THRB: variants seen among roughly 807,000 people sequenced by gnomAD.
THRB encodes nuclear receptor subfamily 1 group A member 2.
A neutral mutation model predicts 47.8 loss-of-function variants in THRB; 12 were observed. The observed-to-expected ratio is 0.25, with a 90% CI of 0.16 to 0.41. The LOEUF (loss-of-function observed/expected upper bound fraction) is 0.41, where lower values mean the gene tolerates loss of function less well. THRB is among the 10% of genes least tolerant of loss of function. The pLI, the probability that THRB is intolerant of heterozygous loss-of-function variation, is 1.00. For synonymous variants in THRB, 218 were observed against 212.2 expected, an observed-to-expected ratio of 1.03 and a Z score of -0.24; for missense variants, 348 against 589.2, an observed-to-expected ratio of 0.59 and a Z score of 4.24.
At chr3:24,339,327 A>G (rs1027805679) in intron 1 of THRB, among the ~76,000 whole-genome samples, 1 of 152,204 alleles carries the variant, frequency 6.6e-6, no homozygotes, top group African/African-American at 2.4e-5. Flanking sequence ...TATTTTGTCT[A>G]ATTTCACATA....
chr3:24,126,364 G>A (rs1238830740), intron 10 of THRB, among the ~76,000 whole-genome samples: 5 of 151,986 alleles, frequency 3.3e-5, no homozygotes, highest in Admixed American at 6.5e-5. Flanking sequence ...CTGGGCAACA[G>A]AGCAAGACCG....
chr3:24,130,264 T>C (rs2033639523), intron 9 of THRB, among the ~76,000 whole-genome samples: 1 of 152,148 alleles, frequency 6.6e-6, no homozygotes, highest in Non-Finnish European at 1.5e-5. Context: ...GAAACTTGGA[T>C]AGATAAGCTT....
At chr3:24,438,083 AC>A (rs2071152448) in intron 1 of THRB, among the ~76,000 whole-genome samples, 1 of 22,472 alleles carries the variant, frequency 4.4e-5, no homozygotes, top group East Asian at 1.1e-3. Context: ...TGGGGCAGGC[AC>A]AATTTTTTTT....
intron 1 of THRB, among the ~76,000 whole-genome samples, chr3:24,463,296 T>C (rs1238705481): frequency 6.6e-6 from 1 of 152,262 alleles, no homozygotes; most frequent in African/African-American, 2.4e-5. Context: ...AGTCTCATCC[T>C]GTAGCCCAGG....
At chr3:24,233,769 AGT>A (rs1381075568) in intron 3 of THRB, among the ~76,000 whole-genome samples, 1 of 152,168 alleles carries the variant, frequency 6.6e-6, no homozygotes, top group East Asian at 1.9e-4. Context: ...AGGGGTAGAG[AGT>A]GGTCTTCAAA....
At chr3:24,157,262 C>T (rs2038004661) in intron 5 of THRB, among the ~76,000 whole-genome samples, 1 of 151,970 alleles carries the variant, frequency 6.6e-6, no homozygotes, top group Non-Finnish European at 1.5e-5. Flanking sequence ...ACACTTTGCC[C>T]TCTGGCTGGC....
At chr3:24,440,813 T>G (rs1187612369) in intron 1 of THRB, among the ~76,000 whole-genome samples, 1 of 152,170 alleles carries the variant, frequency 6.6e-6, no homozygotes, top group African/African-American at 2.4e-5. Context: ...ACAGGTGATC[T>G]GAGATAAGAG....
chr3:24,259,763 A>G (rs1000038434), intron 3 of THRB, among the ~76,000 whole-genome samples: 8 of 151,904 alleles, frequency 5.3e-5, no homozygotes, highest in Non-Finnish European at 1.0e-4. Flanking sequence ...TTGTTTAAAG[A>G]TAGGTACAAA....
intron 2 of THRB, among the ~76,000 whole-genome samples, chr3:24,319,778 C>A (rs1457410629): frequency 6.6e-6 from 1 of 152,106 alleles, no homozygotes; most frequent in Non-Finnish European, 1.5e-5. Flanking sequence ...GACAAAACAC[C>A]CCATCACTCA....
intron 3 of THRB, among the ~76,000 whole-genome samples, chr3:24,280,110 A>G (rs902541050): frequency 2.6e-5 from 4 of 152,204 alleles, no homozygotes; most frequent in African/African-American, 9.7e-5. Flanking sequence ...GGGAGGAGCC[A>G]AGATGGCCAA....
chr3:24,250,002 A>G (rs1192742106), intron 3 of THRB, among the ~76,000 whole-genome samples: 1 of 152,232 alleles, frequency 6.6e-6, no homozygotes, highest in Non-Finnish European at 1.5e-5. Context: ...CCAACCTAGT[A>G]CCAGAGTATC....
chr3:24,409,048 G>C (rs1046350545), intron 1 of THRB, among the ~76,000 whole-genome samples: 1 of 151,754 alleles, frequency 6.6e-6, no homozygotes, highest in Non-Finnish European at 1.5e-5. Flanking sequence ...ATTACAGTTT[G>C]ACACTTTCTA....
intron 4 of THRB, among the ~76,000 whole-genome samples, chr3:24,212,577 C>CAAAAAAAAAAAAA (rs1199010853): frequency 1.3e-4 from 11 of 84,070 alleles, no homozygotes; most frequent in Non-Finnish European, 2.1e-4. Flanking sequence ...GACTCCGTCT[C>CAAAAAAAAAAAAA]AAAAAAAAAA....
intron 8 of THRB, among the ~76,000 whole-genome samples, chr3:24,137,288 G>T (rs1212899063): frequency 1.3e-5 from 2 of 152,216 alleles, no homozygotes; most frequent in African/African-American, 4.8e-5. Context: ...TTATTGAGCA[G>T]GTACTGTGGG....
At chr3:24,352,414 G>C (rs1049552061) in intron 1 of THRB, among the ~76,000 whole-genome samples, 5 of 152,178 alleles carry the variant, frequency 3.3e-5, no homozygotes, top group African/African-American at 1.2e-4. Flanking sequence ...AGCTAGAGAA[G>C]AGAGGTGAAC....
intron 2 of THRB, among the ~76,000 whole-genome samples, chr3:24,332,388 G>C (rs1052459268): frequency 6.6e-6 from 1 of 152,188 alleles, no homozygotes; most frequent in African/African-American, 2.4e-5. Flanking sequence ...ACCTTTGTCT[G>C]TTTAAGTCAC....
chr3:24,122,001 A>T lies in THRB; in HGVS notation c.*883T>A, dbSNP rs535031353. The T allele has an allele frequency of 7.1e-4, 109 of 152,792 alleles. No homozygotes were observed. Among genetic ancestry groups the T allele is most frequent in the African/African-American group, 2.5e-3 (105 of 41,588 alleles). 9.5% of individuals were successfully genotyped at this position (152,792 alleles called of 1,614,324 possible). A position where few individuals can be genotyped will look rare whatever the true frequency, so the allele number is the denominator to read the frequency against. On this transcript the variant is annotated 3_prime_UTR_variant, in exon 11 of 11. Transcript: ENST00000646209. ...TACAACCTGGATAAAGAACTTCAGG[A>T]GCTTGGGAGATGACAGATCAGATGC...
chr3:24,170,849 C>T (rs1247649478), intron 5 of THRB, among the ~76,000 whole-genome samples: 1 of 151,676 alleles, frequency 6.6e-6, no homozygotes, highest in African/African-American at 2.4e-5. Flanking sequence ...CACCAAAATC[C>T]ATGTGCATTT....
At chr3:24,268,631 T>C (rs774087838) in intron 3 of THRB, among the ~76,000 whole-genome samples, 9 of 152,186 alleles carry the variant, frequency 5.9e-5, no homozygotes, top group Non-Finnish European at 8.8e-5. Context: ...TGTGATCCTA[T>C]ATTTATAAAA....
Sources: gnomAD v4.1 joint callset for allele counts (sites outside exome capture counted in the v4.1 genomes callset) on GRCh38, gnomAD v4.1.1 for gene constraint, MANE v1.5 for transcripts, NCBI Gene and HGNC (gene_info 2026-07-23, HGNC 2026-07-21) for gene names.